The following IFT88 variants were observed in gnomAD, a reference collection of about 807,000 sequenced individuals.
IFT88 encodes the protein intraflagellar transport protein 88 homolog.
Under a neutral mutation model 119.5 loss-of-function variants are expected in IFT88, and 74 were observed. That is an observed-to-expected ratio of 0.62 (90% CI 0.51 to 0.75). The LOEUF is 0.75. IFT88 is among the 30% of genes least tolerant of loss of function. The pLI, the probability that IFT88 is intolerant of heterozygous loss-of-function variation, is 0.00. For missense variants in IFT88, 961 were observed against 977.7 expected, an observed-to-expected ratio of 0.98 and a Z score of 0.23; for synonymous variants, 279 against 316.7, an observed-to-expected ratio of 0.88 and a Z score of 1.26.
chr13:20,597,185 CTT>C, intron 9 of IFT88, 66 bp downstream of exon 9: 1 of 734,476 alleles, frequency 1.4e-6, no homozygotes, highest in Admixed American at 3.4e-5. Context: ...GTTCCAGAGT[CTT>C]TTTTCTTTTA....
intron 11 of IFT88, 22 bp from the exon 12 acceptor site, chr13:20,601,683 A>T: frequency 4.7e-6 from 7 of 1,496,916 alleles, no homozygotes; most frequent in Non-Finnish European, 6.5e-6. Context: ...TTTTAAAGCT[A>T]ATCCATGTCT....
intron 14 of IFT88, among the ~76,000 whole-genome samples, chr13:20,616,729 T>C (rs993938010): frequency 5.9e-5 from 9 of 152,216 alleles, no homozygotes; most frequent in Admixed American, 5.2e-4. Context: ...TCAAGTATTA[T>C]GTACTGTACA....
At chr13:20,660,983 T>C (rs1307098891) in intron 22 of IFT88, among the ~76,000 whole-genome samples, 1 of 152,236 alleles carries the variant, frequency 6.6e-6, no homozygotes, top group African/African-American at 2.4e-5. Context: ...GAGTGTTCAC[T>C]AGCTTTAAGA....
intron 20 of IFT88, among the ~76,000 whole-genome samples, chr13:20,651,544 A>G (rs1361414276): frequency 1.3e-5 from 2 of 151,528 alleles, no homozygotes; most frequent in African/African-American, 2.4e-5. Context: ...GTGTCCATCA[A>G]CAATGAATAA....
chr13:20,670,850 C>A, intron 23 of IFT88, 123 bp from the exon 24 acceptor site: 1 of 551,734 alleles, frequency 1.8e-6, no homozygotes, highest in African/African-American at 2.0e-5. Flanking sequence ...AATCAACTCT[C>A]AGGTATGATG....
chr13:20,654,423 A>G (rs960932625), intron 21 of IFT88, among the ~76,000 whole-genome samples: 1 of 152,248 alleles, frequency 6.6e-6, no homozygotes, highest in African/African-American at 2.4e-5. Context: ...CTGATGACAC[A>G]TATCCTGAAG....
At chr13:20,677,218 C>T (rs745322552) in intron 24 of IFT88, among the ~76,000 whole-genome samples, 7 of 152,114 alleles carry the variant, frequency 4.6e-5, no homozygotes, top group South Asian at 2.1e-4. Flanking sequence ...CAGTAGCTAT[C>T]GGCGTTCATT....
At chr13:20,587,124 G>A (rs1347851811) in intron 3 of IFT88, among the ~76,000 whole-genome samples, 1 of 152,074 alleles carries the variant, frequency 6.6e-6, no homozygotes, top group Non-Finnish European at 1.5e-5. Flanking sequence ...ATCTGTTAAT[G>A]TCCCAAATGC....
intron 14 of IFT88, among the ~76,000 whole-genome samples, chr13:20,616,769 T>TG (rs1249576938): frequency 6.6e-6 from 1 of 152,210 alleles, no homozygotes; most frequent in African/African-American, 2.4e-5. Context: ...TTCATAAGAC[T>TG]GACACAGTGC....
chr13:20,666,918 C>T (rs1163315644), intron 23 of IFT88, among the ~76,000 whole-genome samples: 1 of 152,132 alleles, frequency 6.6e-6, no homozygotes, highest in Non-Finnish European at 1.5e-5. Flanking sequence ...CATATATCAA[C>T]ACATATATTT....
chr13:20,687,957 G>A (rs898238112), intron 24 of IFT88, among the ~76,000 whole-genome samples: 1 of 152,212 alleles, frequency 6.6e-6, no homozygotes, highest in African/African-American at 2.4e-5. Flanking sequence ...GCCTCAAAAA[G>A]GCCAGAGCAG....
In IFT88 at chr13:20,587,863, T is replaced by G. The variant is rs560457549; in HGVS notation, c.154-1948T>G. 7.9e-5 allele frequency among the ~76,000 whole-genome samples: 12 copies of G among 152,236 alleles called. No individual in the cohort carries two copies. In the East Asian group the frequency reaches 2.3e-3, roughly 29 times the overall value. On this transcript the variant is annotated intron_variant, in intron 3 of 25. Transcript: ENST00000351808. Reference sequence around the variant, plus strand: ...CCGTATCAATTTATTTAAAATGTAATTCTTATTAGCAGCGTGTGATTGGTT... The same window carrying G: ...CCGTATCAATTTATTTAAAATGTAAGTCTTATTAGCAGCGTGTGATTGGTT...
intron 1 of IFT88, among the ~76,000 whole-genome samples, chr13:20,568,830 C>G (rs1593579456): frequency 6.6e-6 from 1 of 152,132 alleles, no homozygotes; most frequent in Non-Finnish European, 1.5e-5. Context: ...ATGCCATTCT[C>G]CTGCCTCAGC....
intron 23 of IFT88, among the ~76,000 whole-genome samples, chr13:20,665,221 A>G (rs1324029087): frequency 6.6e-6 from 1 of 152,222 alleles, no homozygotes; most frequent in Non-Finnish European, 1.5e-5. Flanking sequence ...GTTTTCCCCC[A>G]AAGTAATCAG....
At chr13:20,581,698 C>G (rs1042670078) in intron 2 of IFT88, among the ~76,000 whole-genome samples, 4 of 147,930 alleles carry the variant, frequency 2.7e-5, no homozygotes, top group African/African-American at 9.9e-5. Flanking sequence ...TAAAAAAATA[C>G]AAAAATTAGC....
intron 13 of IFT88, among the ~76,000 whole-genome samples, chr13:20,608,397 C>T (rs2139382161): frequency 6.6e-6 from 1 of 152,334 alleles, no homozygotes; most frequent in South Asian, 2.1e-4. Context: ...CTCTTTCTTT[C>T]TGGAGACTGT....
chr13:20,638,390 A>G lies in IFT88; in HGVS notation c.1445A>G (p.Tyr482Cys). ...GATATAGCTGTGAACTCTGATAGAT[A>G]TAATCCAGCAGCTCTTACTAATAAA... ...YADIAVNSDR[Y>C]NPAALTNKGN... The change falls in exon 17 of 26, where the codon TAT (tyrosine) becomes TGT (cysteine). Residue 482 changes from tyrosine (Y) to cysteine (C), a missense_variant. Physicochemically the swap from Tyr to Cys is radical, Grantham distance 194. Transcript: ENST00000351808. The G allele has an allele frequency of 1.3e-6, 2 of 1,508,872 alleles. No individual in the cohort carries two copies. The highest frequency in any genetic ancestry group is 1.8e-6 in the Non-Finnish European group (2 of 1,133,256). The allele number at this position is 1,508,872 out of a possible 1,614,324, so 93.5% of individuals were successfully genotyped here.
At chr13:20,588,250 T>G (rs1041621681) in intron 3 of IFT88, among the ~76,000 whole-genome samples, 1 of 152,132 alleles carries the variant, frequency 6.6e-6, no homozygotes, top group Non-Finnish European at 1.5e-5. Context: ...TTTTCAGTTC[T>G]AGAATTTCCA....
chr13:20,676,800 G>C (rs2141090131), intron 24 of IFT88, among the ~76,000 whole-genome samples: 1 of 152,256 alleles, frequency 6.6e-6, no homozygotes, highest in African/African-American at 2.4e-5. Flanking sequence ...AAAAGCACAG[G>C]AAATTGAATC....
Sources: gnomAD v4.1 joint callset for allele counts (sites outside exome capture counted in the v4.1 genomes callset) on GRCh38, gnomAD v4.1.1 for gene constraint, MANE v1.5 for transcripts, NCBI Gene and HGNC (gene_info 2026-07-23, HGNC 2026-07-21) for gene names.